Variants in EFR3B observed in about 807,000 individuals in gnomAD.
The protein encoded by EFR3B is EFR3 homolog B.
In EFR3B, 64 loss-of-function variants were observed where a neutral mutation model predicts 104.7. The ratio of observed to expected loss-of-function variants is 0.61; its 90% CI spans 0.50 to 0.75. The LOEUF (loss-of-function observed/expected upper bound fraction) is 0.75, where lower values mean the gene tolerates loss of function less well. EFR3B is among the 30% of genes least tolerant of loss of function. The pLI is 0.00. For synonymous variants in EFR3B, 385 were observed against 417.9 expected, an observed-to-expected ratio of 0.92 and a Z score of 0.96; for missense variants, 750 against 1,078.5, an observed-to-expected ratio of 0.70 and a Z score of 4.27.
intron 4 of EFR3B, among the ~76,000 whole-genome samples, chr2:25,109,339 G>A (rs1294765123): frequency 2.0e-5 from 3 of 152,116 alleles, no homozygotes; most frequent in Non-Finnish European, 2.9e-5. Context: ...CCCTAAGATG[G>A]CAATTAAAAA....
chr2:25,043,673 G>A (rs1462813369), intron 1 of EFR3B, among the ~76,000 whole-genome samples: 1 of 152,214 alleles, frequency 6.6e-6, no homozygotes, highest in African/African-American at 2.4e-5. Context: ...CTGACCACTG[G>A]GGACTCTGGG....
At chr2:25,073,975 T>C (rs1668565749) in intron 1 of EFR3B, among the ~76,000 whole-genome samples, 1 of 152,160 alleles carries the variant, frequency 6.6e-6, no homozygotes, top group Non-Finnish European at 1.5e-5. Flanking sequence ...TTTTATTGAT[T>C]GTGCCTTTTC....
At chr2:25,082,998 G>A (rs376231261) in intron 1 of EFR3B, among the ~76,000 whole-genome samples, 1 of 152,306 alleles carries the variant, frequency 6.6e-6, no homozygotes, top group African/African-American at 2.4e-5. Flanking sequence ...ATGAGCCATC[G>A]AGGGAGGTCT....
chr2:25,057,191 C>T (rs1034098928), intron 1 of EFR3B, among the ~76,000 whole-genome samples: 1 of 152,168 alleles, frequency 6.6e-6, no homozygotes, highest in African/African-American at 2.4e-5. Context: ...AATTCAGTGT[C>T]TGTTGTAGAG....
chr2:25,149,360 C>A (rs4665768), intron 19 of EFR3B, among the ~76,000 whole-genome samples: 48,593 of 151,942 alleles, frequency 0.32, 8,556 homozygotes, highest in African/African-American at 0.44. Context: ...AATAAAATAA[C>A]ATGAAATAAA....
At chr2:25,153,887 T>C (rs1171974578) in intron 22 of EFR3B, 126 bp downstream of exon 22, 2 of 1,033,304 alleles carry the variant, frequency 1.9e-6, no homozygotes, top group African/African-American at 1.6e-5. Flanking sequence ...CTGTAATCTC[T>C]ATCCCCTGGG....
chr2:25,154,160 C>CT lies in EFR3B; in HGVS notation c.2349-74dup, dbSNP rs1671097140. ...CAAAAAGAAACCCAAGTCACCTACTCTGTTTGGTTGCACAAGGGTGGGATC... is the reference window on the plus strand; with the variant it reads ...CAAAAAGAAACCCAAGTCACCTACTCTTGTTTGGTTGCACAAGGGTGGGATC... On this transcript the variant is annotated intron_variant, in intron 22 of 22. Coordinates refer to ENST00000403714, the MANE Select transcript of EFR3B (RefSeq NM_014971.2). The surrounding 1 kb of genome is among the most constrained non-coding windows in gnomAD (Gnocchi z 4.1). The CT allele has an allele frequency of 5.9e-6, 8 of 1,366,262 alleles. No individual in the cohort carries two copies. In the Admixed American group the frequency reaches 8.1e-5, roughly 14 times the overall value. 84.6% of individuals were successfully genotyped at this position (1,366,262 alleles called of 1,614,324 possible).
intron 3 of EFR3B, among the ~76,000 whole-genome samples, chr2:25,097,703 G>C (rs1406615648): frequency 2.0e-5 from 3 of 152,200 alleles, no homozygotes; most frequent in Non-Finnish European, 4.4e-5. Context: ...GTGATGTGCA[G>C]AGCAGCAAAA....
Position 25,125,626 on chromosome 2 carries a change from CA to C in EFR3B, c.486-2556del, listed in dbSNP as rs1011209091. Among the ~76,000 whole-genome samples, 83 of 152,240 alleles carry C rather than the reference CA, an allele frequency of 5.5e-4. 2 individuals are homozygous for C. The highest frequency in any genetic ancestry group is 1.5e-3 in the African/African-American group (62 of 41,542). ...CCAGCCACAGTTCCTCGGTAAGACC[CA>C]GGGTAGCACCCTGGCAACCCCAGTT... On this transcript the variant is annotated intron_variant, in intron 5 of 22. Transcript: ENST00000403714.
chr2:25,092,076 C>CT (rs1039220628), intron 2 of EFR3B, among the ~76,000 whole-genome samples: 96 of 144,482 alleles, frequency 6.6e-4, no homozygotes, highest in Admixed American at 2.6e-3. Context: ...TTTGGGGTGG[C>CT]TTTTTTTTTT....
chr2:25,083,616 G>A (rs533944602), intron 1 of EFR3B, among the ~76,000 whole-genome samples: 3 of 152,244 alleles, frequency 2.0e-5, no homozygotes, highest in Admixed American at 6.5e-5. Context: ...GAAGCTGGGC[G>A]CTCCTGACCA....
Position 25,091,252 on chromosome 2 carries a change from C to T in EFR3B, c.8-73C>T. On this transcript the variant is annotated intron_variant, in intron 1 of 22. Coordinates refer to ENST00000403714, the MANE Select transcript of EFR3B (RefSeq NM_014971.2). ...TGTTTCCTGCCACTCACAGGCTGCC[C>T]TGGCCCTGGCTCCAACCTTTCCTGG... 3 of 1,448,370 alleles carry T rather than the reference C, an allele frequency of 2.1e-6. No individual in the cohort carries two copies. The South Asian group carries it at 3.7e-5, about 18-fold the overall frequency. The allele number at this position is 1,448,370 out of a possible 1,614,324, so 89.7% of individuals were successfully genotyped here. A position where few individuals can be genotyped will look rare whatever the true frequency, so the allele number is the denominator to read the frequency against.
intron 16 of EFR3B, among the ~76,000 whole-genome samples, chr2:25,139,817 C>G (rs72807687): frequency 2.6e-5 from 4 of 152,332 alleles, no homozygotes; most frequent in Non-Finnish European, 5.9e-5. Context: ...GTATATCCGT[C>G]TGCATGCCTG....
In EFR3B at chr2:25,131,725, G is replaced by T. The variant is rs1670341523; in HGVS notation, c.986-25G>T. ...GAGGAGGGTGCCAGCCTTGGATCTC[G>T]GGTGTCCCGCCCCACCGCTCTCAGG... On this transcript the variant is annotated intron_variant, in intron 9 of 22. Transcript: ENST00000403714. The surrounding 1 kb of genome is among the most constrained non-coding windows in gnomAD (Gnocchi z 7.6). 1 of 1,488,600 alleles carries T rather than the reference G, an allele frequency of 6.7e-7. No homozygotes were observed. 92.2% of individuals were successfully genotyped at this position (1,488,600 alleles called of 1,614,324 possible). A position where few individuals can be genotyped will look rare whatever the true frequency, so the allele number is the denominator to read the frequency against.
At chr2:25,051,639 T>TG (rs1417213158) in intron 1 of EFR3B, among the ~76,000 whole-genome samples, 1,120 of 55,806 alleles carry the variant, frequency 0.02, 5 homozygotes, top group Non-Finnish European at 0.045. Context: ...GTGTGTGTGT[T>TG]TTTTTTTTTT....
chr2:25,110,310 T>C (rs1669689972), intron 4 of EFR3B, among the ~76,000 whole-genome samples: 1 of 152,108 alleles, frequency 6.6e-6, no homozygotes, highest in African/African-American at 2.4e-5. Context: ...ACACAGCCTG[T>C]GGGTTGGGGC....
At chr2:25,128,878 G>A (rs2149204214) in intron 6 of EFR3B, among the ~76,000 whole-genome samples, 1 of 145,832 alleles carries the variant, frequency 6.9e-6, no homozygotes, top group South Asian at 2.2e-4. Context: ...CAGGAGAACG[G>A]GAGCCCGGGA....
At chr2:25,104,102 C>T (rs1474003350) in intron 4 of EFR3B, among the ~76,000 whole-genome samples, 1 of 152,122 alleles carries the variant, frequency 6.6e-6, no homozygotes, top group Admixed American at 6.5e-5. Context: ...AATACCAGCA[C>T]TTTGGGAGAC....
intron 5 of EFR3B, among the ~76,000 whole-genome samples, chr2:25,124,267 T>C (rs532860546): frequency 5.7e-4 from 84 of 146,906 alleles, no homozygotes; most frequent in African/African-American, 2.1e-3. Context: ...GCAGTGGGCC[T>C]GTGCATGCAA....
Sources: gnomAD v4.1 joint callset for allele counts (sites outside exome capture counted in the v4.1 genomes callset) on GRCh38, gnomAD v4.1.1 for gene constraint, Gnocchi (gnomAD v3.1) non-coding constraint, MANE v1.5 for transcripts, NCBI Gene and HGNC (gene_info 2026-07-23, HGNC 2026-07-21) for gene names.